Variants in ZNF565 observed in about 807,000 individuals in gnomAD.
ZNF565 encodes zinc finger protein 565.
A neutral mutation model predicts 39.4 loss-of-function variants in ZNF565; 27 were observed. The ratio of observed to expected loss-of-function variants is 0.69; its 90% CI spans 0.51 to 0.95. The LOEUF is 0.95. ZNF565 is among the 40% of genes least tolerant of loss of function. The pLI is 0.00. For synonymous variants in ZNF565, 185 were observed against 216.6 expected, an observed-to-expected ratio of 0.85 and a Z score of 1.28; for missense variants, 524 against 621.1, an observed-to-expected ratio of 0.84 and a Z score of 1.66.
rs118139742 is a variant in ZNF565, at chr19:36,241,348, G to A, written c.55+4128C>T. Reference sequence around the variant, plus strand: ...AAAATACAAAAATTAGCCAGATGTGGTAGCGGGGGCCAGTAATCCCAGCTA... The same window carrying A: ...AAAATACAAAAATTAGCCAGATGTGATAGCGGGGGCCAGTAATCCCAGCTA... On this transcript the variant is annotated intron_variant, in intron 1 of 4. Transcript: ENST00000355114. 6.2e-4 allele frequency among the ~76,000 whole-genome samples: 94 copies of A among 152,090 alleles called. 1 individual carries two copies. The East Asian group carries it at 0.015, about 25-fold the overall frequency.
chr19:36,195,306 C>T (rs1334161280), intron 2 of ZNF565, 150 bp from the exon 3 acceptor site: 2 of 913,984 alleles, frequency 2.2e-6, no homozygotes, highest in Non-Finnish European at 3.3e-6. Context: ...ACAAGGTGTA[C>T]CCTGTTTTAT....
intron 3 of ZNF565, 59 bp from the exon 4 acceptor site, chr19:36,194,387 C>A: frequency 7.3e-7 from 1 of 1,372,474 alleles, no homozygotes; most frequent in Non-Finnish European, 1.0e-6. Flanking sequence ...AAACCCAGTT[C>A]CCTGGTCACC....
chr19:36,227,821 T>C (rs1240324637), intron 1 of ZNF565, among the ~76,000 whole-genome samples: 1 of 152,186 alleles, frequency 6.6e-6, no homozygotes, highest in Non-Finnish European at 1.5e-5. Context: ...TCCCGAAGTG[T>C]TGGGATTATA....
intron 1 of ZNF565, among the ~76,000 whole-genome samples, chr19:36,226,566 G>A (rs1977075838): frequency 6.6e-6 from 1 of 152,056 alleles, no homozygotes; most frequent in Non-Finnish European, 1.5e-5. Flanking sequence ...TTCTCCAAAT[G>A]TGTATGATTT....
intron 1 of ZNF565, among the ~76,000 whole-genome samples, chr19:36,225,441 C>T (rs111348167): frequency 6.6e-6 from 1 of 152,040 alleles, no homozygotes; most frequent in Admixed American, 6.6e-5. Flanking sequence ...TTGCTTCCTT[C>T]TTAAAAGTTT....
chr19:36,226,013 G>A (rs1383243866), intron 1 of ZNF565, among the ~76,000 whole-genome samples: 2 of 151,688 alleles, frequency 1.3e-5, no homozygotes, highest in Non-Finnish European at 2.9e-5. Context: ...AAGTGATCCT[G>A]CCCACCTCAG....
In ZNF565 at chr19:36,194,223, C is replaced by CCTCG. The variant is rs778382941; in HGVS notation, c.232+6_232+9dup. 1 of 1,605,792 alleles carries CCTCG rather than the reference C, an allele frequency of 6.2e-7. No individual in the cohort carries two copies. The highest frequency in any genetic ancestry group is 8.5e-7 in the Non-Finnish European group (1 of 1,175,758). ...GGGACCTTCCCCTGTCGAAATCGGCCCTCGCTTACCTGGGCACCATGGTCC... is the reference window on the plus strand; with the variant it reads ...GGGACCTTCCCCTGTCGAAATCGGCCCTCGCTCGCTTACCTGGGCACCATGGTCC... On this transcript the variant is annotated intron_variant, in intron 4 of 4. Transcript: ENST00000304116.
intron 1 of ZNF565, among the ~76,000 whole-genome samples, chr19:36,239,071 G>A (rs547257295): frequency 1.1e-4 from 16 of 152,166 alleles, no homozygotes; most frequent in Non-Finnish European, 2.1e-4. Flanking sequence ...AACCGTCCGT[G>A]GAAAAATTGT....
chr19:36,225,232 G>T (rs1977016187), intron 1 of ZNF565, among the ~76,000 whole-genome samples: 1 of 152,154 alleles, frequency 6.6e-6, no homozygotes, highest in Non-Finnish European at 1.5e-5. Context: ...TAGCCAAGGT[G>T]CAACAACCAG....
At chr19:36,195,296 A>C in intron 2 of ZNF565, 140 bp from the exon 3 acceptor site, 1 of 1,001,778 alleles carries the variant, frequency 1.0e-6, no homozygotes, top group Non-Finnish European at 1.5e-6. Context: ...TCAACAGTTA[A>C]CAAGGTGTAC....
At chr19:36,185,937 G>T (rs922955903) in intron 4 of ZNF565, among the ~76,000 whole-genome samples, 1 of 151,252 alleles carries the variant, frequency 6.6e-6, no homozygotes, top group Non-Finnish European at 1.5e-5. Context: ...CAGGTAATCC[G>T]CCCACCTCGG....
chr19:36,211,983 A>T (rs1331714009), intron 1 of ZNF565, among the ~76,000 whole-genome samples: 1 of 152,196 alleles, frequency 6.6e-6, no homozygotes, highest in African/African-American at 2.4e-5. Flanking sequence ...TTTCTTCACA[A>T]GACATGTATC....
At chr19:36,221,927 C>T (rs201061531) in intron 1 of ZNF565, among the ~76,000 whole-genome samples, 15 of 109,914 alleles carry the variant, frequency 1.4e-4, no homozygotes, top group South Asian at 6.1e-4. Flanking sequence ...TTTTTTCTTT[C>T]TTTTTTTTTT....
At chr19:36,234,434 T>C (rs1452738619) in intron 1 of ZNF565, among the ~76,000 whole-genome samples, 1 of 152,230 alleles carries the variant, frequency 6.6e-6, no homozygotes, top group Non-Finnish European at 1.5e-5. Flanking sequence ...GTTGTCCTAA[T>C]ATTAGACTAC....
chr19:36,206,818 ACT>A (rs1297292788), intron 1 of ZNF565, among the ~76,000 whole-genome samples: 1 of 152,064 alleles, frequency 6.6e-6, no homozygotes, highest in East Asian at 1.9e-4. Flanking sequence ...GGCAACAAAG[ACT>A]CTGTCACAAA....
intron 1 of ZNF565, among the ~76,000 whole-genome samples, chr19:36,203,028 C>CT (rs1451752745): frequency 1.3e-5 from 2 of 152,024 alleles, no homozygotes; most frequent in Non-Finnish European, 2.9e-5. Flanking sequence ...CTCCCTACTG[C>CT]TTTCATTCTT....
At chr19:36,210,419 CAAAAAAA>C (rs35345882) in intron 1 of ZNF565, among the ~76,000 whole-genome samples, 19 of 67,048 alleles carry the variant, frequency 2.8e-4, no homozygotes, top group African/African-American at 7.6e-4. Flanking sequence ...AATTCTGTCT[CAAAAAAA>C]AAAAAAAAAA....
upstream of ZNF565, chr19:36,215,087 G>A (rs2145378534): frequency 6.6e-6 from 1 of 152,514 alleles, no homozygotes; most frequent in Non-Finnish European, 1.5e-5. Flanking sequence ...AGACTTCTGG[G>A]AGTGCTTCCT....
chr19:36,215,681 A>G (rs1026190212), upstream of ZNF565, among the ~76,000 whole-genome samples: 4 of 151,622 alleles, frequency 2.6e-5, no homozygotes, highest in Non-Finnish European at 5.9e-5. Flanking sequence ...ATTAAACGAG[A>G]GTGTTTCGAA....
Sources: gnomAD v4.1 joint callset for allele counts (sites outside exome capture counted in the v4.1 genomes callset) on GRCh38, gnomAD v4.1.1 for gene constraint, MANE v1.5 for transcripts, NCBI Gene and HGNC (gene_info 2026-07-23, HGNC 2026-07-21) for gene names.